PDZD2: variants seen among roughly 807,000 people sequenced by gnomAD.
The protein encoded by PDZD2 is PDZ domain-containing protein 2.
PDZD2 carries 90 observed loss-of-function variants against 220.7 expected under a neutral mutation model. The observed-to-expected ratio is 0.41, with a 90% CI of 0.34 to 0.49. The LOEUF is 0.49. Among genes scored for constraint, PDZD2 ranks in the 20% least tolerant of loss-of-function variants. The probability of loss-of-function intolerance (pLI) is 0.28; values close to 1 mark genes in which losing one functional copy is unlikely to be tolerated. For missense variants in PDZD2, 3,174 were observed against 3,608.5 expected (o/e 0.88, Z 3.08); for synonymous variants, 1,375 against 1,450.5 (o/e 0.95, Z 1.18).
chr5:32,059,629 T>C (rs897630296), intron 13 of PDZD2, among the ~76,000 whole-genome samples: 1 of 152,220 alleles, frequency 6.6e-6, no homozygotes, highest in Admixed American at 6.5e-5. Flanking sequence ...CTTGACAAGA[T>C]ACAACTCTAT....
rs1744846200 is a variant in PDZD2 at position 31,639,346 on chromosome 5, G to A, written c.-452G>A. 1.3e-5 allele frequency: 2 copies of A among 150,068 alleles called. No individual in the cohort carries two copies. The highest frequency in any genetic ancestry group is 3.0e-5 in the Non-Finnish European group (2 of 67,264). The allele number at this position is 150,068 out of a possible 1,614,324, so 9.3% of individuals were successfully genotyped here. A position where few individuals can be genotyped will look rare whatever the true frequency, so the allele number is the denominator to read the frequency against. The stretch of plus-strand genomic sequence containing the variant: ...CGCGGCGGCGGCACCGGTGGTGGCC[G>A]CGGTGGCGGCAGCTGCGCGGGGACC... On this transcript the variant is annotated 5_prime_UTR_variant, in exon 1 of 25. Transcript: ENST00000438447. The surrounding 1 kb of genome is among the most constrained non-coding windows in gnomAD (Gnocchi z 4.1).
At chr5:31,887,042 G>C (rs1369181611) in intron 2 of PDZD2, among the ~76,000 whole-genome samples, 1 of 152,108 alleles carries the variant, frequency 6.6e-6, no homozygotes. Context: ...AAGAACCAGT[G>C]CCAGGCTGTG....
intron 1 of PDZD2, among the ~76,000 whole-genome samples, chr5:31,768,694 G>A (rs1752171479): frequency 6.6e-6 from 1 of 151,884 alleles, no homozygotes; most frequent in Non-Finnish European, 1.5e-5. Flanking sequence ...CAGTGATGAG[G>A]CTGAACTGAT....
At chr5:31,816,922 G>A (rs1343094449) in intron 2 of PDZD2, among the ~76,000 whole-genome samples, 2 of 152,104 alleles carry the variant, frequency 1.3e-5, no homozygotes, top group East Asian at 1.9e-4. Flanking sequence ...CATGGCTCAC[G>A]CCTGTAATCC....
Position 31,969,909 on chromosome 5 carries a change from A to T in PDZD2, c.477-13246A>T, listed in dbSNP as rs182520816. Among the ~76,000 whole-genome samples, 327 of 151,752 alleles carry T rather than the reference A, an allele frequency of 2.2e-3. 1 individual carries two copies. The highest frequency in any genetic ancestry group is 7.1e-3 in the African/African-American group (295 of 41,394). On this transcript the variant is annotated intron_variant, in intron 2 of 24. Coordinates refer to ENST00000438447, the MANE Select transcript of PDZD2 (RefSeq NM_178140.4). ...AAATAGTTTATTTATTTATTTATTT[A>T]TTTTTTGAGACGGAGTTTCGCTCTT...
chr5:31,814,513 A>G (rs1297126916), intron 2 of PDZD2, among the ~76,000 whole-genome samples: 4 of 152,190 alleles, frequency 2.6e-5, no homozygotes, highest in Non-Finnish European at 5.9e-5. Flanking sequence ...ATTGGTTGAA[A>G]GAGTTATTAT....
At chr5:31,758,039 C>T (rs1751402683) in intron 1 of PDZD2, among the ~76,000 whole-genome samples, 2 of 152,248 alleles carry the variant, frequency 1.3e-5, no homozygotes, top group Non-Finnish European at 2.9e-5. Flanking sequence ...CCACAGCAGT[C>T]CCTGCCCAGG....
At chr5:31,886,131 T>C (rs2150342158) in intron 2 of PDZD2, among the ~76,000 whole-genome samples, 1 of 152,296 alleles carries the variant, frequency 6.6e-6, no homozygotes, top group African/African-American at 2.4e-5. Flanking sequence ...ACTCCTGACC[T>C]TAGTTGATCC....
intron 6 of PDZD2, among the ~76,000 whole-genome samples, chr5:32,031,460 G>T (rs1343483400): frequency 1.3e-5 from 2 of 152,148 alleles, no homozygotes; most frequent in East Asian, 3.8e-4. Flanking sequence ...AGCATTTCAG[G>T]CACATGCCTT....
At chr5:31,926,254 C>T (rs1001145953) in intron 2 of PDZD2, among the ~76,000 whole-genome samples, 3 of 150,228 alleles carry the variant, frequency 2.0e-5, no homozygotes, top group Non-Finnish European at 4.4e-5. Flanking sequence ...CCAGGCCAGG[C>T]ATGATGGCTC....
chr5:31,653,334 C>G (rs1561364653), intron 1 of PDZD2, among the ~76,000 whole-genome samples: 1 of 151,856 alleles, frequency 6.6e-6, no homozygotes, highest in African/African-American at 2.4e-5. Context: ...TAGTGCAGTG[C>G]GTGTACTATA....
intron 6 of PDZD2, among the ~76,000 whole-genome samples, chr5:32,032,827 G>A (rs1293250256): frequency 6.6e-6 from 1 of 152,166 alleles, no homozygotes; most frequent in Admixed American, 6.5e-5. Flanking sequence ...GCAGTAAAAT[G>A]GTATAATCAG....
At chr5:32,080,758 T>C (rs900962302) in intron 19 of PDZD2, among the ~76,000 whole-genome samples, 2 of 152,184 alleles carry the variant, frequency 1.3e-5, no homozygotes, top group African/African-American at 2.4e-5. Flanking sequence ...AATGAGATCA[T>C]GTCCTTTGCA....
At chr5:32,062,801 A>G (rs1281950780) in intron 14 of PDZD2, among the ~76,000 whole-genome samples, 3 of 152,152 alleles carry the variant, frequency 2.0e-5, no homozygotes, top group Non-Finnish European at 2.9e-5. Context: ...TCTCCTGACC[A>G]TGACATTTAA....
intron 1 of PDZD2, among the ~76,000 whole-genome samples, chr5:31,737,167 C>CTTTTTTTTTTTTTTTTT (rs57379430): frequency 1.5e-5 from 1 of 66,300 alleles, no homozygotes; most frequent in Non-Finnish European, 2.6e-5. Flanking sequence ...CAGTCTACTT[C>CTTTTTTTTTTTTTTTTT]TTTTTTTTTT....
At chr5:32,009,301 C>G (rs1471806088) in intron 5 of PDZD2, among the ~76,000 whole-genome samples, 1 of 151,716 alleles carries the variant, frequency 6.6e-6, no homozygotes, top group African/African-American at 2.4e-5. Flanking sequence ...TGAGATTGTG[C>G]CACTGCACTC....
rs1561229755 is a variant in PDZD2 at position 31,972,779 on chromosome 5, C to CA, written c.477-10376_477-10375insA. Among the ~76,000 whole-genome samples the CA allele has an allele frequency of 1.1e-4, 16 of 152,304 alleles. No individual in the cohort carries two copies. In the South Asian group the frequency reaches 2.9e-3, roughly 28 times the overall value. ...CTGACTCAATCATGTACAGCAAAGT[C>CA]TGACTCCCACCACTCCCTGTTGTAC... On this transcript the variant is annotated intron_variant, in intron 2 of 24. Transcript: ENST00000438447.
At chr5:32,060,227 T>A (rs1408215268) in intron 13 of PDZD2, among the ~76,000 whole-genome samples, 1 of 151,856 alleles carries the variant, frequency 6.6e-6, no homozygotes, top group Non-Finnish European at 1.5e-5. Flanking sequence ...AAATATACTT[T>A]TAGAACCCAA....
Position 31,692,603 on chromosome 5 carries a change from C to T in PDZD2, c.-361+53166C>T, listed in dbSNP as rs188946644. Among the ~76,000 whole-genome samples the T allele has an allele frequency of 7.8e-4, 119 of 152,366 alleles. 1 individual carries two copies. Among genetic ancestry groups the T allele is most frequent in the African/African-American group, 2.8e-3 (115 of 41,592 alleles). On this transcript the variant is annotated intron_variant, in intron 1 of 24. Transcript: ENST00000438447. ...TTCCCTAGCTCTGACATCCTCATGA[C>T]CTTCTGTCTCCAGCATTGTCAGGCC...
Sources: allele counts gnomAD v4.1 joint callset (sites outside exome capture counted in the v4.1 genomes callset), GRCh38; gene constraint gnomAD v4.1.1; non-coding constraint Gnocchi (gnomAD v3.1); transcripts MANE v1.5; gene names NCBI Gene and HGNC (gene_info 2026-07-23, HGNC 2026-07-21).